AFF4: variants seen among roughly 807,000 people sequenced by gnomAD.
AFF4 encodes the protein ALF transcription elongation factor 4, also known as AF4/FMR2 family member 4.
In AFF4, 13 loss-of-function variants were observed where a neutral mutation model predicts 124.8. The observed-to-expected ratio is 0.10, with a 90% CI of 0.07 to 0.17. The LOEUF is 0.17. Among genes scored for constraint, AFF4 ranks in the 10% least tolerant of loss-of-function variants. The pLI, the probability that AFF4 is intolerant of heterozygous loss-of-function variation, is 1.00. For missense variants in AFF4, 1,092 were observed against 1,403.8 expected (o/e 0.78, Z 3.55); for synonymous variants, 477 against 496.1 (o/e 0.96, Z 0.51).
chr5:132,903,866 A>C (rs1462445976), intron 6 of AFF4: 1 of 152,510 alleles, frequency 6.6e-6, no homozygotes, highest in East Asian at 1.9e-4. Flanking sequence ...AATGCTTAAT[A>C]AAAGTAGTGT....
chr5:132,952,146 C>A (rs1246539076), intron 1 of AFF4, among the ~76,000 whole-genome samples: 1 of 152,178 alleles, frequency 6.6e-6, no homozygotes, highest in Non-Finnish European at 1.5e-5. Context: ...GAATAGACAG[C>A]TAGAAGTGGA....
rs1461057494 is a variant in AFF4, at chr5:132,876,308, C to T, written c.*4751G>A. 2 of 213,812 alleles carry T rather than the reference C, an allele frequency of 9.4e-6. No homozygotes were observed. Among genetic ancestry groups the T allele is most frequent in the East Asian group, 1.4e-4 (2 of 14,336 alleles). The allele number at this position is 213,812 out of a possible 1,614,324, so 13.2% of individuals were successfully genotyped here. A position where few individuals can be genotyped will look rare whatever the true frequency, so the allele number is the denominator to read the frequency against. On this transcript the variant is annotated 3_prime_UTR_variant, in exon 21 of 21. Transcript: ENST00000265343. The stretch of plus-strand genomic sequence containing the variant: ...ACTTCTGGAACACCAACAACAAACT[C>T]AACAATATGGATGATCATGGCATTG...
chr5:132,959,957 G>A (rs549254259), intron 1 of AFF4, among the ~76,000 whole-genome samples: 30 of 151,688 alleles, frequency 2.0e-4, no homozygotes, highest in African/African-American at 7.0e-4. Context: ...TAGTAGAGAC[G>A]TGTTAGCCAG....
intron 5 of AFF4, among the ~76,000 whole-genome samples, chr5:132,917,907 G>T (rs1291434577): frequency 6.7e-6 from 1 of 149,824 alleles, no homozygotes; most frequent in Non-Finnish European, 1.5e-5. Flanking sequence ...CAGAGATGGG[G>T]TTTCTACTAA....
At chr5:132,903,795 G>C (rs930418987) in intron 6 of AFF4, 1 of 152,206 alleles carries the variant, frequency 6.6e-6, no homozygotes, top group African/African-American at 2.4e-5. Flanking sequence ...TTAAAAGAAA[G>C]AAGAATAACT....
chr5:132,916,179 CA>C (rs1760904786), intron 5 of AFF4, among the ~76,000 whole-genome samples: 1 of 123,736 alleles, frequency 8.1e-6, no homozygotes, highest in Non-Finnish European at 1.6e-5. Context: ...GCGGAGGTTG[CA>C]ATGAGCTGAT....
At chr5:132,934,061 G>T in intron 3 of AFF4, 86 bp downstream of exon 3, 1 of 1,389,704 alleles carries the variant, frequency 7.2e-7, no homozygotes, top group Non-Finnish European at 9.8e-7. Flanking sequence ...AGGCAAGGAA[G>T]CAGTGTTCAA....
Position 132,930,833 on chromosome 5 carries a change from G to A in AFF4, c.963+1345C>T, listed in dbSNP as rs138458232. Among the ~76,000 whole-genome samples the A allele has an allele frequency of 5.5e-4, 83 of 151,518 alleles. No homozygotes were observed. The East Asian group carries it at 0.013, about 23-fold the overall frequency. On this transcript the variant is annotated intron_variant, in intron 4 of 20. Coordinates refer to ENST00000265343, the MANE Select transcript of AFF4 (RefSeq NM_014423.4). ...TAAATACCCAAAATGTTGGCTGGGC[G>A]TGGTGGCTCATACCTATAATCCCAG...
chr5:132,945,041 G>A (rs939139091), intron 1 of AFF4: 5 of 196,718 alleles, frequency 2.5e-5, no homozygotes, highest in Admixed American at 2.3e-4. Flanking sequence ...AAGCTCGGAA[G>A]ACTAAATGAA....
chr5:132,914,303 C>G (rs1420574909), intron 5 of AFF4, among the ~76,000 whole-genome samples: 2 of 151,622 alleles, frequency 1.3e-5, no homozygotes, highest in Non-Finnish European at 2.9e-5. Flanking sequence ...CTCAAGAAAT[C>G]TGTTAAAAAG....
At chr5:132,958,523 G>C (rs1245484011) in intron 1 of AFF4, among the ~76,000 whole-genome samples, 1 of 146,252 alleles carries the variant, frequency 6.8e-6, no homozygotes, top group Admixed American at 6.8e-5. Context: ...TTGAAAGGAA[G>C]TAGATCACAA....
At chr5:132,949,925 A>C (rs889859324) in intron 1 of AFF4, among the ~76,000 whole-genome samples, 1 of 151,300 alleles carries the variant, frequency 6.6e-6, no homozygotes. Flanking sequence ...TTGGAGACTG[A>C]GGCAGAAGGA....
Position 132,880,053 on chromosome 5 carries a change from GA to G in AFF4, c.*1005del, listed in dbSNP as rs1252920135. 6 of 394,842 alleles carry G rather than the reference GA, an allele frequency of 1.5e-5. No homozygotes were observed. The highest frequency in any genetic ancestry group is 1.2e-4 in the African/African-American group (6 of 48,524). The allele number at this position is 394,842 out of a possible 1,614,324, so 24.5% of individuals were successfully genotyped here. On this transcript the variant is annotated 3_prime_UTR_variant, in exon 21 of 21. Transcript: ENST00000265343. ...ATATCAGAGCATCACAATCCAGTATGAGGGGGAAAAATCTGAAAAATAACTC... is the reference window on the plus strand; with the variant it reads ...ATATCAGAGCATCACAATCCAGTATGGGGGGAAAAATCTGAAAAATAACTC...
chr5:132,917,951 C>T (rs1176969707), intron 5 of AFF4, among the ~76,000 whole-genome samples: 1 of 151,036 alleles, frequency 6.6e-6, no homozygotes, highest in Non-Finnish European at 1.5e-5. Flanking sequence ...GAACTCCCGA[C>T]CTCAGGTGAT....
chr5:132,894,044 T>C (rs527913716), intron 11 of AFF4, among the ~76,000 whole-genome samples: 1 of 152,234 alleles, frequency 6.6e-6, no homozygotes, highest in Non-Finnish European at 1.5e-5. Context: ...ATTCACTGCA[T>C]AGAATTTATT....
At chr5:132,949,729 G>C (rs866441927) in intron 1 of AFF4, among the ~76,000 whole-genome samples, 2 of 151,536 alleles carry the variant, frequency 1.3e-5, no homozygotes, top group Non-Finnish European at 2.9e-5. Context: ...AGGCGTGAGG[G>C]TGAGTGCCCG....
chr5:132,950,539 C>G (rs900784781), intron 1 of AFF4, among the ~76,000 whole-genome samples: 1 of 152,084 alleles, frequency 6.6e-6, no homozygotes, highest in Non-Finnish European at 1.5e-5. Context: ...ATCCTAGCTA[C>G]TCGGGAGGCT....
At chr5:132,955,885 G>T (rs1761946113) in intron 1 of AFF4, among the ~76,000 whole-genome samples, 1 of 142,058 alleles carries the variant, frequency 7.0e-6, no homozygotes. Flanking sequence ...ATACATCAGA[G>T]TATATTATAT....
At chr5:132,921,792 T>C (rs899966376) in intron 5 of AFF4, among the ~76,000 whole-genome samples, 15 of 151,608 alleles carry the variant, frequency 9.9e-5, no homozygotes, top group East Asian at 5.8e-4. Context: ...ATTTTTTCTT[T>C]CCCCCCCAGA....
Sources: allele counts gnomAD v4.1 joint callset (sites outside exome capture counted in the v4.1 genomes callset), GRCh38; gene constraint gnomAD v4.1.1; transcripts MANE v1.5; gene names NCBI Gene and HGNC (gene_info 2026-07-23, HGNC 2026-07-21).